Variants in C8orf34 observed in about 807,000 individuals in gnomAD.
C8orf34 encodes the protein chromosome 8 open reading frame 34.
Under a neutral mutation model 68.3 loss-of-function variants are expected in C8orf34, and 65 were observed. The ratio of observed to expected loss-of-function variants is 0.95; its 90% CI spans 0.78 to 1.17. C8orf34 has a LOEUF of 1.17. Ranked by LOEUF, C8orf34 falls within the 50% of genes most tolerant of loss-of-function variation. The pLI, the probability that C8orf34 is intolerant of heterozygous loss-of-function variation, is 0.00. For missense variants in C8orf34, 664 were observed against 655.4 expected (o/e 1.01, Z -0.14); for synonymous variants, 244 against 241.2 (o/e 1.01, Z -0.11).
At chr8:68,618,993 G>C (rs996125401) in intron 7 of C8orf34, among the ~76,000 whole-genome samples, 2 of 152,144 alleles carry the variant, frequency 1.3e-5, no homozygotes, top group Non-Finnish European at 2.9e-5. Context: ...CTAGGGGGAT[G>C]GAAAAGTCTT....
chr8:68,789,757 A>G (rs916793347), intron 12 of C8orf34, among the ~76,000 whole-genome samples: 53 of 152,336 alleles, frequency 3.5e-4, no homozygotes, highest in African/African-American at 1.2e-3. Context: ...CAGGACAGCT[A>G]GAAATTAAAA....
chr8:68,492,457 G>A (rs1246183502), intron 5 of C8orf34, among the ~76,000 whole-genome samples: 2 of 151,632 alleles, frequency 1.3e-5, no homozygotes, highest in African/African-American at 2.4e-5. Context: ...TCAAACTCCC[G>A]GCCTTAAGCA....
intron 8 of C8orf34, among the ~76,000 whole-genome samples, chr8:68,666,611 G>C (rs554216893): frequency 6.6e-6 from 1 of 152,184 alleles, no homozygotes; most frequent in Non-Finnish European, 1.5e-5. Context: ...TAAGGAAGTG[G>C]CCTGCCATTC....
At chr8:68,666,781 T>G (rs1819855474) in intron 8 of C8orf34, among the ~76,000 whole-genome samples, 3 of 152,162 alleles carry the variant, frequency 2.0e-5, no homozygotes, top group Admixed American at 2.0e-4. Context: ...TTAGAAAAAA[T>G]GAATTGATTT....
At chr8:68,334,835 G>A (rs1805777727) in intron 1 of C8orf34, among the ~76,000 whole-genome samples, 1 of 152,126 alleles carries the variant, frequency 6.6e-6, no homozygotes, top group Non-Finnish European at 1.5e-5. Flanking sequence ...GTTATAAAAT[G>A]GACTTATCAA....
At chr8:68,691,749 T>C (rs1350370958) in intron 8 of C8orf34, among the ~76,000 whole-genome samples, 2 of 152,080 alleles carry the variant, frequency 1.3e-5, no homozygotes, top group Non-Finnish European at 2.9e-5. Flanking sequence ...CAAAAGAATA[T>C]TTACTTGAAA....
chr8:68,464,769 C>G (rs1812028651), intron 3 of C8orf34, among the ~76,000 whole-genome samples: 1 of 151,568 alleles, frequency 6.6e-6, no homozygotes, highest in Admixed American at 6.6e-5. Flanking sequence ...GAAACTGGAT[C>G]CCTTCCTTAC....
At chr8:68,612,122 A>G (rs900757927) in intron 7 of C8orf34, among the ~76,000 whole-genome samples, 5 of 151,858 alleles carry the variant, frequency 3.3e-5, no homozygotes, top group African/African-American at 1.2e-4. Flanking sequence ...TTAGGGAGGT[A>G]GGACGGTCAT....
chr8:68,396,210 A>G (rs1287171900), intron 1 of C8orf34, among the ~76,000 whole-genome samples: 1 of 152,080 alleles, frequency 6.6e-6, no homozygotes, highest in Admixed American at 6.6e-5. Flanking sequence ...AGACTCTAGC[A>G]TTGAGTTTGA....
At chr8:68,334,260 A>G (rs1164204649) in intron 1 of C8orf34, among the ~76,000 whole-genome samples, 1 of 152,112 alleles carries the variant, frequency 6.6e-6, no homozygotes, top group African/African-American at 2.4e-5. Flanking sequence ...AATTTCATTG[A>G]AGATGTTTTG....
At chr8:68,468,315 C>T (rs1812234515) in intron 3 of C8orf34, among the ~76,000 whole-genome samples, 1 of 151,934 alleles carries the variant, frequency 6.6e-6, no homozygotes, top group Admixed American at 6.6e-5. Context: ...CTATGAATGT[C>T]CTAAAAATAT....
chr8:68,508,805 G>T (rs542397866), intron 5 of C8orf34, among the ~76,000 whole-genome samples: 1 of 152,294 alleles, frequency 6.6e-6, no homozygotes, highest in South Asian at 2.1e-4. Flanking sequence ...AAGCCATGGC[G>T]ACAAAAATTC....
chr8:68,356,131 C>T (rs1340715348), intron 1 of C8orf34, among the ~76,000 whole-genome samples: 1 of 152,064 alleles, frequency 6.6e-6, no homozygotes, highest in East Asian at 1.9e-4. Context: ...TTGTCAAATG[C>T]GTTTATGAAT....
At chr8:68,791,725 C>T (rs1169061582) in intron 12 of C8orf34, 1 of 152,132 alleles carries the variant, frequency 6.6e-6, no homozygotes, top group African/African-American at 2.4e-5. Flanking sequence ...CTAGTTCTTC[C>T]TGAGGTCTTA....
intron 7 of C8orf34, among the ~76,000 whole-genome samples, chr8:68,632,811 C>T (rs1433433421): frequency 6.6e-6 from 1 of 152,144 alleles, no homozygotes; most frequent in African/African-American, 2.4e-5. Context: ...TTACAGCTTC[C>T]ACGTGGTGTT....
intron 7 of C8orf34, among the ~76,000 whole-genome samples, chr8:68,576,378 C>T (rs545234180): frequency 9.9e-5 from 15 of 151,628 alleles, no homozygotes; most frequent in African/African-American, 3.7e-4. Context: ...ATTTTTCCTT[C>T]AACTATGGTG....
chr8:68,405,210 A>G (rs536721544), intron 1 of C8orf34, among the ~76,000 whole-genome samples: 1 of 152,184 alleles, frequency 6.6e-6, no homozygotes, highest in African/African-American at 2.4e-5. Flanking sequence ...GCTTAGATTT[A>G]GCATTTTTGG....
intron 1 of C8orf34, among the ~76,000 whole-genome samples, chr8:68,337,226 GTAAAGAAACCTGGCAGACAC>G (rs1264238627): frequency 6.6e-6 from 1 of 152,184 alleles, no homozygotes; most frequent in Non-Finnish European, 1.5e-5. Flanking sequence ...TGACTTTACA[GTAAAGAAACCTGGCAGACAC>G]TACTTCGTTC....
chr8:68,465,255 C>T (rs1354714770), intron 3 of C8orf34, among the ~76,000 whole-genome samples: 2 of 151,568 alleles, frequency 1.3e-5, no homozygotes, highest in Non-Finnish European at 2.9e-5. Flanking sequence ...AATGAGATAC[C>T]ATCTCACACC....
Sources: allele counts gnomAD v4.1 joint callset (sites outside exome capture counted in the v4.1 genomes callset), GRCh38; gene constraint gnomAD v4.1.1; transcripts MANE v1.5; gene names NCBI Gene and HGNC (gene_info 2026-07-23, HGNC 2026-07-21).